The following NFIB variants were observed in gnomAD, a reference collection of about 807,000 sequenced individuals.
NFIB encodes nuclear factor I B, also known as nuclear factor 1 B-type.
A neutral mutation model predicts 61.5 loss-of-function variants in NFIB; 11 were observed. The ratio of observed to expected loss-of-function variants is 0.18; its 90% CI spans 0.11 to 0.30. The LOEUF (loss-of-function observed/expected upper bound fraction) is 0.30. Ranked by LOEUF, NFIB falls within the 10% of genes least tolerant of loss-of-function variation. The pLI is 1.00. For missense variants in NFIB, 471 were observed against 608.9 expected, an observed-to-expected ratio of 0.77 and a Z score of 2.38; for synonymous variants, 260 against 216.5, an observed-to-expected ratio of 1.20 and a Z score of -1.76.
At chr9:14,238,045 G>A (rs1242803598) in intron 2 of NFIB, among the ~76,000 whole-genome samples, 1 of 152,012 alleles carries the variant, frequency 6.6e-6, no homozygotes, top group African/African-American at 2.4e-5. Context: ...GTACAGCAGG[G>A]TAAGGAGAAA....
chr9:14,450,904 G>C, the NFIB span, among the ~76,000 whole-genome samples: 8 of 152,228 alleles, frequency 5.3e-5, no homozygotes, highest in South Asian at 1.7e-3. Context: ...TGCCAGCCGT[G>C]TGATTTACAG....
intron 1 of NFIB, among the ~76,000 whole-genome samples, chr9:14,323,673 A>G (rs571642623): frequency 2.6e-5 from 4 of 152,216 alleles, no homozygotes; most frequent in Non-Finnish European, 5.9e-5. Flanking sequence ...AATTATTCTT[A>G]TCTCTCTACT....
the NFIB span, among the ~76,000 whole-genome samples, chr9:14,492,208 G>GA: frequency 6.6e-6 from 1 of 151,700 alleles, no homozygotes; most frequent in Non-Finnish European, 1.5e-5. Flanking sequence ...CTAAAAATAT[G>GA]AAAAATTAGC....
chr9:14,310,720 G>T (rs1177888749), intron 1 of NFIB, among the ~76,000 whole-genome samples: 1 of 152,124 alleles, frequency 6.6e-6, no homozygotes, highest in East Asian at 1.9e-4. Context: ...AGAATTTTTA[G>T]TAAAATGCAT....
chr9:14,128,863 AG>A (rs2040040876), intron 6 of NFIB, among the ~76,000 whole-genome samples: 1 of 152,128 alleles, frequency 6.6e-6, no homozygotes, highest in African/African-American at 2.4e-5. Context: ...CCTTTTGTAA[AG>A]GGCACATAAA....
At chr9:14,294,945 C>T (rs1032253524) in intron 2 of NFIB, among the ~76,000 whole-genome samples, 3 of 152,120 alleles carry the variant, frequency 2.0e-5, no homozygotes, top group Admixed American at 2.0e-4. Context: ...GAAACTAGTT[C>T]CTCCAAGGAC....
intron 2 of NFIB, among the ~76,000 whole-genome samples, chr9:14,230,994 C>T (rs1471604239): frequency 1.3e-5 from 2 of 150,902 alleles, no homozygotes. Context: ...AAATGGAGTT[C>T]GCAAGATGAG....
At chr9:14,388,992 G>C (rs999869873) in intron 1 of NFIB, among the ~76,000 whole-genome samples, 6 of 152,154 alleles carry the variant, frequency 3.9e-5, no homozygotes, top group African/African-American at 1.4e-4. Flanking sequence ...AGAAACTTAA[G>C]GGTTGGGGCC....
intron 2 of NFIB, among the ~76,000 whole-genome samples, chr9:14,276,113 C>G (rs2057980360): frequency 6.6e-6 from 1 of 151,962 alleles, no homozygotes; most frequent in South Asian, 2.1e-4. Context: ...CAAAAAAGGT[C>G]TAGGTTTGCC....
At chr9:14,228,200 T>G (rs1262061358) in intron 2 of NFIB, among the ~76,000 whole-genome samples, 2 of 142,240 alleles carry the variant, frequency 1.4e-5, no homozygotes, top group East Asian at 3.9e-4. Flanking sequence ...TATGATTCTT[T>G]TTTTTTTTTT....
chr9:14,092,817 C>T (rs144242318), intron 10 of NFIB, among the ~76,000 whole-genome samples: 1 of 152,090 alleles, frequency 6.6e-6, no homozygotes, highest in East Asian at 1.9e-4. Flanking sequence ...AGAAGATACC[C>T]ACTTCTTCCT....
chr9:14,232,056 T>C (rs555992352), intron 2 of NFIB, among the ~76,000 whole-genome samples: 51 of 152,366 alleles, frequency 3.3e-4, no homozygotes, highest in Middle Eastern at 3.4e-3. Context: ...CTTATCAGTA[T>C]GGAACAGTAT....
the NFIB span, among the ~76,000 whole-genome samples, chr9:14,422,216 C>A: frequency 6.6e-6 from 1 of 152,364 alleles, no homozygotes; most frequent in South Asian, 2.1e-4. Flanking sequence ...AGGTCTCAGA[C>A]TGTCAGATCC....
intron 2 of NFIB, chr9:14,180,554 C>G (rs1039448306): frequency 6.6e-6 from 1 of 152,232 alleles, no homozygotes; most frequent in South Asian, 2.1e-4. Flanking sequence ...AGGCAACATG[C>G]CCTTTCGGAC....
the NFIB span, among the ~76,000 whole-genome samples, chr9:14,446,399 C>T: frequency 6.6e-6 from 1 of 152,160 alleles, no homozygotes; most frequent in African/African-American, 2.4e-5. Flanking sequence ...TCTCATTACA[C>T]CCCACATGTC....
At chr9:14,194,343 G>A (rs867559838) in intron 2 of NFIB, among the ~76,000 whole-genome samples, 1 of 152,100 alleles carries the variant, frequency 6.6e-6, no homozygotes, top group Non-Finnish European at 1.5e-5. Context: ...CCATAAATAT[G>A]ACAGCAGACA....
intron 2 of NFIB, among the ~76,000 whole-genome samples, chr9:14,291,611 AAAAG>A (rs1442640702): frequency 6.6e-6 from 1 of 152,188 alleles, no homozygotes; most frequent in African/African-American, 2.4e-5. Flanking sequence ...TCTCTTAAAT[AAAAG>A]AGATATGGAT....
rs778914837 is a variant in NFIB, at chr9:14,182,708, C to CTCTGTG, written c.563-2929_563-2928insCACAGA. Among the ~76,000 whole-genome samples, 340 of 96,974 alleles carry CTCTGTG rather than the reference C, an allele frequency of 3.5e-3. 3 individuals are homozygous for CTCTGTG. The highest frequency in any genetic ancestry group is 8.8e-3 in the East Asian group (30 of 3,416). 63.6% of individuals were successfully genotyped at this position (96,974 alleles called of 152,430 possible). On this transcript the variant is annotated intron_variant, in intron 2 of 10. Transcript: ENST00000380953. ...CCTCTCTCTCTCTCTCTCTCTCTCT[C>CTCTGTG]TGTGTGTGTGTGTGTGTGTGTGTGT... is the stretch of plus-strand genomic sequence containing the variant.
intron 2 of NFIB, among the ~76,000 whole-genome samples, chr9:14,218,373 T>A (rs2051202973): frequency 6.6e-6 from 1 of 152,162 alleles, no homozygotes; most frequent in African/African-American, 2.4e-5. Flanking sequence ...CTAAGTGTTT[T>A]CCCTCAAGTA....
Sources: gnomAD v4.1 joint callset for allele counts (sites outside exome capture counted in the v4.1 genomes callset) on GRCh38, gnomAD v4.1.1 for gene constraint, MANE v1.5 for transcripts, NCBI Gene and HGNC (gene_info 2026-07-23, HGNC 2026-07-21) for gene names.